AGFG1: variants seen among roughly 807,000 people sequenced by gnomAD.
The protein encoded by AGFG1 is ArfGAP with FG repeats 1, also known as arf-GAP domain and FG repeat-containing protein 1.
In AGFG1, 10 loss-of-function variants were observed where a neutral mutation model predicts 60.6. The ratio of observed to expected loss-of-function variants is 0.16; its 90% CI spans 0.10 to 0.28. The LOEUF (loss-of-function observed/expected upper bound fraction) is 0.28, where lower values mean the gene tolerates loss of function less well. Among genes scored for constraint, AGFG1 ranks in the 10% least tolerant of loss-of-function variants. The pLI, the probability that AGFG1 is intolerant of heterozygous loss-of-function variation, is 1.00. For missense variants in AGFG1, 537 were observed against 676.5 expected, an observed-to-expected ratio of 0.79 and a Z score of 2.29; for synonymous variants, 247 against 242.9, an observed-to-expected ratio of 1.02 and a Z score of -0.16.
In AGFG1 at chr2:227,553,856, A is replaced by G. The variant is rs548129788; in HGVS notation, c.1629+61A>G. On this transcript the variant is annotated intron_variant, in intron 12 of 12. Coordinates refer to ENST00000310078, the MANE Select transcript of AGFG1 (RefSeq NM_004504.5). ...GTTAAATCTTATTTTAAAATTAGGAATAGCAGGATGTTAATATTCCTAGAT... is the reference window on the plus strand; with the variant it reads ...GTTAAATCTTATTTTAAAATTAGGAGTAGCAGGATGTTAATATTCCTAGAT... The G allele has an allele frequency of 2.2e-5, 28 of 1,254,128 alleles. No homozygotes were observed. The Admixed American group carries it at 3.3e-4, about 15-fold the overall frequency. 77.7% of individuals were successfully genotyped at this position (1,254,128 alleles called of 1,614,324 possible).
At chr2:227,513,996 C>T (rs897123110) in intron 2 of AGFG1, among the ~76,000 whole-genome samples, 2 of 152,112 alleles carry the variant, frequency 1.3e-5, no homozygotes, top group Non-Finnish European at 2.9e-5. Flanking sequence ...GAATGAGTTT[C>T]CTGTGAGAGC....
chr2:227,508,847 G>T (rs1040605020), intron 2 of AGFG1, among the ~76,000 whole-genome samples: 4 of 152,170 alleles, frequency 2.6e-5, no homozygotes, highest in African/African-American at 9.7e-5. Context: ...CGGATCTGTA[G>T]ATTAGATCCT....
chr2:227,553,288 A>G (rs1692875857), intron 11 of AGFG1, among the ~76,000 whole-genome samples: 1 of 152,132 alleles, frequency 6.6e-6, no homozygotes, highest in South Asian at 2.1e-4. Context: ...AGTCGAGTCC[A>G]GGAGATTGAG....
intron 2 of AGFG1, among the ~76,000 whole-genome samples, chr2:227,500,216 A>C (rs1356008111): frequency 3.3e-5 from 5 of 152,130 alleles, no homozygotes; most frequent in Non-Finnish European, 5.9e-5. Context: ...CTTCTTGTTG[A>C]TTTGGGTGAT....
chr2:227,559,877 G>C lies in AGFG1; in HGVS notation c.*5382G>C, dbSNP rs1693086190. 6.6e-6 allele frequency: 1 copy of C among 151,994 alleles called. No homozygotes were observed. The highest frequency in any genetic ancestry group is 2.4e-5 in the African/African-American group (1 of 41,386). 9.4% of individuals were successfully genotyped at this position (151,994 alleles called of 1,614,324 possible). A position where few individuals can be genotyped will look rare whatever the true frequency, so the allele number is the denominator to read the frequency against. Reference sequence around the variant, plus strand: ...TCATAGAATGCTTTGGTTACAATCAGGTTTTTTAAAGACTTTAAAGGTTTT... The same window carrying C: ...TCATAGAATGCTTTGGTTACAATCACGTTTTTTAAAGACTTTAAAGGTTTT... On this transcript the variant is annotated 3_prime_UTR_variant, in exon 13 of 13. Coordinates refer to ENST00000310078, the MANE Select transcript of AGFG1 (RefSeq NM_004504.5).
At chr2:227,548,765 G>A (rs547127392) in intron 10 of AGFG1, among the ~76,000 whole-genome samples, 198 of 152,128 alleles carry the variant, frequency 1.3e-3, no homozygotes, top group Middle Eastern at 3.4e-3. Flanking sequence ...GTGAAACCCC[G>A]TCTCTACTAA....
chr2:227,538,123 A>G (rs1692369545), intron 10 of AGFG1, among the ~76,000 whole-genome samples: 1 of 152,154 alleles, frequency 6.6e-6, no homozygotes, highest in South Asian at 2.1e-4. Flanking sequence ...TGATATGTGC[A>G]GTGTTTCTGT....
intron 2 of AGFG1, among the ~76,000 whole-genome samples, chr2:227,502,911 C>T (rs976500010): frequency 5.3e-5 from 8 of 152,018 alleles, no homozygotes; most frequent in Admixed American, 1.3e-4. Context: ...TTTCTTTCCT[C>T]GGTGTTGCTT....
chr2:227,474,667 T>C (rs776034978), intron 1 of AGFG1, among the ~76,000 whole-genome samples: 5 of 152,248 alleles, frequency 3.3e-5, no homozygotes, highest in African/African-American at 4.8e-5. Flanking sequence ...TATTGTAGTA[T>C]TTCCTTTCTG....
chr2:227,485,038 C>T (rs1436312241), intron 1 of AGFG1, among the ~76,000 whole-genome samples: 3 of 151,800 alleles, frequency 2.0e-5, no homozygotes, highest in Non-Finnish European at 4.4e-5. Flanking sequence ...TGTTTTTTAT[C>T]TGAAGATACT....
At chr2:227,496,133 A>AAAG (rs1193111656) in intron 2 of AGFG1, among the ~76,000 whole-genome samples, 3 of 151,582 alleles carry the variant, frequency 2.0e-5, no homozygotes, top group Non-Finnish European at 2.9e-5. Context: ...AAGAAAAAAA[A>AAAG]AGAAGACATT....
At chr2:227,533,183 A>G (rs1474577072) in intron 6 of AGFG1, among the ~76,000 whole-genome samples, 4 of 152,188 alleles carry the variant, frequency 2.6e-5, no homozygotes, top group African/African-American at 9.7e-5. Context: ...CTAGTAAGAT[A>G]CTTTGCATCT....
chr2:227,533,689 G>A lies in AGFG1; in HGVS notation c.955G>A (p.Ala319Thr). 1 of 1,613,840 alleles carries A rather than the reference G, an allele frequency of 6.2e-7. No individual in the cohort carries two copies. The highest frequency in any genetic ancestry group is 8.5e-7 in the Non-Finnish European group (1 of 1,179,830). ...TGTTAGTAAAGTTTCAACGAACAAAGCTGGTTTACAGACTGCAGACAAATA... is the reference window on the plus strand; with the variant it reads ...TGTTAGTAAAGTTTCAACGAACAAAACTGGTTTACAGACTGCAGACAAATA... ...SAVSKVSTNK[A>T]GLQTADKYAA... The change falls in exon 7 of 13, where the codon GCT (alanine) becomes ACT (threonine). Residue 319 changes from alanine to threonine, a missense_variant. Physicochemically the swap from Ala to Thr is moderately conservative, Grantham distance 58. This residue lies in a region of AGFG1 where 287 missense variants were observed against 343.6 expected (regional missense o/e 0.84). Coordinates refer to ENST00000310078, the MANE Select transcript of AGFG1 (RefSeq NM_004504.5).
chr2:227,531,270 G>A, intron 6 of AGFG1, 60 bp downstream of exon 6: 2 of 1,559,572 alleles, frequency 1.3e-6, no homozygotes, highest in Non-Finnish European at 1.7e-6. Flanking sequence ...CTCTCTAAAT[G>A]TAGTTTTGAA....
chr2:227,491,718 TA>T (rs1351614704), intron 2 of AGFG1, 78 bp downstream of exon 2: 2 of 829,656 alleles, frequency 2.4e-6, no homozygotes, highest in East Asian at 5.4e-5. Flanking sequence ...ATAAGTTATT[TA>T]AAACGTTGAA....
rs1292397146 is a variant in AGFG1 at position 227,554,677 on chromosome 2, T to C, written c.*182T>C. On this transcript the variant is annotated 3_prime_UTR_variant, in exon 13 of 13. Transcript: ENST00000310078. Reference sequence around the variant, plus strand: ...AAAACCGAGGGCTCCAGTAACACCTTCTAACCTGTGAATTGGCAGAAAAGG... The same window carrying C: ...AAAACCGAGGGCTCCAGTAACACCTCCTAACCTGTGAATTGGCAGAAAAGG... The C allele has an allele frequency of 2.0e-5, 10 of 506,284 alleles. No homozygotes were observed. The highest frequency in any genetic ancestry group is 3.2e-5 in the Non-Finnish European group (9 of 285,418). 31.4% of individuals were successfully genotyped at this position (506,284 alleles called of 1,614,324 possible).
chr2:227,484,012 A>G (rs1294732730), intron 1 of AGFG1, among the ~76,000 whole-genome samples: 2 of 151,962 alleles, frequency 1.3e-5, no homozygotes. Flanking sequence ...GGTGTGCTGC[A>G]CCCATTAACA....
intron 10 of AGFG1, among the ~76,000 whole-genome samples, chr2:227,542,035 T>A (rs1466364548): frequency 6.6e-6 from 1 of 152,028 alleles, no homozygotes; most frequent in Non-Finnish European, 1.5e-5. Context: ...TTTTTGCACA[T>A]TGATTTTGTA....
At chr2:227,543,258 A>G (rs1692547392) in intron 10 of AGFG1, among the ~76,000 whole-genome samples, 1 of 151,916 alleles carries the variant, frequency 6.6e-6, no homozygotes, top group African/African-American at 2.4e-5. Context: ...TAGGGTGTTA[A>G]TTTTATATCT....
Sources: allele counts gnomAD v4.1 joint callset (sites outside exome capture counted in the v4.1 genomes callset), GRCh38; gene constraint gnomAD v4.1.1; regional missense constraint gnomAD v4.1.1; transcripts MANE v1.5; gene names NCBI Gene and HGNC (gene_info 2026-07-23, HGNC 2026-07-21).